Variants in GRM8 observed in about 807,000 individuals in gnomAD.
GRM8 encodes metabotropic glutamate receptor 8.
A neutral mutation model predicts 87.2 loss-of-function variants in GRM8; 47 were observed. The observed-to-expected ratio is 0.54, with a 90% CI of 0.43 to 0.69. The LOEUF is 0.69. Among genes scored for constraint, GRM8 ranks in the 30% least tolerant of loss-of-function variants. The pLI is 0.00. For synonymous variants in GRM8, 396 were observed against 404.5 expected, an observed-to-expected ratio of 0.98 and a Z score of 0.25; for missense variants, 1,019 against 1,139.2, an observed-to-expected ratio of 0.89 and a Z score of 1.52.
intron 7 of GRM8, among the ~76,000 whole-genome samples, chr7:126,760,013 T>C (rs1817428695): frequency 6.6e-6 from 1 of 152,170 alleles, no homozygotes; most frequent in Admixed American, 6.5e-5. Context: ...TACAAACTAT[T>C]AGACATAAAC....
chr7:126,657,085 A>T (rs1804611259), intron 7 of GRM8, among the ~76,000 whole-genome samples: 1 of 152,190 alleles, frequency 6.6e-6, no homozygotes, highest in Non-Finnish European at 1.5e-5. Context: ...TCCATGAGGT[A>T]CTGTCTTCAT....
At chr7:127,104,036 C>T (rs924017129) in intron 3 of GRM8, among the ~76,000 whole-genome samples, 27 of 152,288 alleles carry the variant, frequency 1.8e-4, no homozygotes, top group African/African-American at 6.5e-4. Context: ...TTATCACTAA[C>T]CCAATTTTCA....
intron 3 of GRM8, among the ~76,000 whole-genome samples, chr7:127,092,978 C>T (rs756575628): frequency 6.6e-6 from 1 of 152,172 alleles, no homozygotes; most frequent in Non-Finnish European, 1.5e-5. Flanking sequence ...CTGTGTGTGC[C>T]CACAAAAACA....
chr7:127,072,316 T>C (rs556963934), intron 3 of GRM8, among the ~76,000 whole-genome samples: 26 of 152,324 alleles, frequency 1.7e-4, no homozygotes, highest in African/African-American at 6.0e-4. Flanking sequence ...AGTTCTTTCA[T>C]ACCCACAAAG....
At chr7:126,490,328 T>A (rs908193404) in intron 9 of GRM8, among the ~76,000 whole-genome samples, 1 of 152,052 alleles carries the variant, frequency 6.6e-6, no homozygotes. Context: ...TGCTGACAAC[T>A]GCTGTTCTCT....
Position 126,564,502 on chromosome 7 carries a change from C to T in GRM8, c.1495-30615G>A, listed in dbSNP as rs191100063. Among the ~76,000 whole-genome samples, 8 of 151,996 alleles carry T rather than the reference C, an allele frequency of 5.3e-5. No individual in the cohort carries two copies. In the East Asian group the frequency reaches 1.2e-3, roughly 22 times the overall value. On this transcript the variant is annotated intron_variant, in intron 8 of 10. Coordinates refer to ENST00000339582, the MANE Select transcript of GRM8 (RefSeq NM_000845.3). ...TAATCTAAAAGAAATGGAAAAAAAA[C>T]ACTAGAAAAAACTTACCAAGACTGA...
Position 127,195,039 on chromosome 7 carries a change from A to C in GRM8, c.510+47656T>G, listed in dbSNP as rs367900107. On this transcript the variant is annotated intron_variant, in intron 2 of 10. Transcript: ENST00000339582. ...GGATCAAATAGTGATCTTATTATAG[A>C]TCACTCCCACAGCAACTTGGTCCTT... Among the ~76,000 whole-genome samples the C allele has an allele frequency of 2.6e-5, 4 of 152,236 alleles. No individual in the cohort carries two copies. The East Asian group carries it at 5.8e-4, about 22-fold the overall frequency.
chr7:126,644,517 C>T (rs1802821415), intron 7 of GRM8, among the ~76,000 whole-genome samples: 1 of 152,178 alleles, frequency 6.6e-6, no homozygotes, highest in Non-Finnish European at 1.5e-5. Flanking sequence ...GAAAATTAGT[C>T]TATTCAATCA....
chr7:126,641,887 A>G (rs1802428532), intron 7 of GRM8, among the ~76,000 whole-genome samples: 1 of 152,090 alleles, frequency 6.6e-6, no homozygotes, highest in Non-Finnish European at 1.5e-5. Context: ...GTTCTTTTTT[A>G]TCTGAAAAAA....
intron 7 of GRM8, among the ~76,000 whole-genome samples, chr7:126,644,883 C>A (rs1294147723): frequency 2.0e-5 from 3 of 152,158 alleles, no homozygotes; most frequent in Admixed American, 2.0e-4. Context: ...GTTCTGAGTT[C>A]TGTTCAGTCT....
chr7:126,732,447 T>G (rs529305025), intron 7 of GRM8, among the ~76,000 whole-genome samples: 1 of 152,146 alleles, frequency 6.6e-6, no homozygotes, highest in African/African-American at 2.4e-5. Flanking sequence ...CCTTAAGAGT[T>G]ATTAGTAGAA....
chr7:126,880,477 C>T lies in GRM8; in HGVS notation c.1156+22065G>A, dbSNP rs1256612728. On this transcript the variant is annotated intron_variant, in intron 6 of 10. Coordinates refer to ENST00000339582, the MANE Select transcript of GRM8 (RefSeq NM_000845.3). ...AATTAGCCTCTTAGGACTTAAAGTG[C>T]TTCCACATAAAGTCCAAGAGCTAGA... Among the ~76,000 whole-genome samples, 5 of 152,240 alleles carry T rather than the reference C, an allele frequency of 3.3e-5. No homozygotes were observed. The East Asian group carries it at 7.7e-4, about 24-fold the overall frequency.
intron 3 of GRM8, among the ~76,000 whole-genome samples, chr7:126,916,178 A>C (rs1253511341): frequency 6.6e-6 from 1 of 152,212 alleles, no homozygotes; most frequent in East Asian, 1.9e-4. Flanking sequence ...AGCACTGTTT[A>C]AATTTCTTAC....
chr7:126,591,610 AC>A (rs1796672882), intron 8 of GRM8, among the ~76,000 whole-genome samples: 1 of 151,986 alleles, frequency 6.6e-6, no homozygotes. Flanking sequence ...ACATACCCAA[AC>A]CTGTGGGATA....
chr7:127,130,173 C>T (rs1739815036), intron 2 of GRM8, among the ~76,000 whole-genome samples: 1 of 152,202 alleles, frequency 6.6e-6, no homozygotes, highest in Admixed American at 6.5e-5. Flanking sequence ...CCATGTGGAA[C>T]TGTGAGTCAA....
chr7:126,683,315 G>A (rs190727869), intron 7 of GRM8, among the ~76,000 whole-genome samples: 189 of 152,326 alleles, frequency 1.2e-3, no homozygotes, highest in African/African-American at 4.4e-3. Context: ...TGTCTGTGCT[G>A]TTGCCTTAGC....
chr7:126,832,171 CAAAAA>C (rs11412862), intron 6 of GRM8, among the ~76,000 whole-genome samples: 1 of 77,640 alleles, frequency 1.3e-5, no homozygotes, highest in African/African-American at 4.5e-5. Flanking sequence ...TGCCATCTTC[CAAAAA>C]AAAAAAAAAG....
chr7:127,151,214 C>A (rs1000665264), intron 2 of GRM8, among the ~76,000 whole-genome samples: 1 of 151,928 alleles, frequency 6.6e-6, no homozygotes, highest in African/African-American at 2.4e-5. Flanking sequence ...GTTTTTAGTC[C>A]TCACAGGTTA....
At chr7:127,143,184 T>C (rs1217435574) in intron 2 of GRM8, among the ~76,000 whole-genome samples, 1 of 152,134 alleles carries the variant, frequency 6.6e-6, no homozygotes, top group Non-Finnish European at 1.5e-5. Flanking sequence ...ACAGTTCTAA[T>C]AGGTAAGCCT....
Sources: allele counts gnomAD v4.1 joint callset (sites outside exome capture counted in the v4.1 genomes callset), GRCh38; gene constraint gnomAD v4.1.1; transcripts MANE v1.5; gene names NCBI Gene and HGNC (gene_info 2026-07-23, HGNC 2026-07-21).